Variants in ALS2 observed in about 807,000 individuals in gnomAD.
ALS2 encodes alsin Rho guanine nucleotide exchange factor ALS2.
In ALS2, 117 loss-of-function variants were observed where a neutral mutation model predicts 203.4. The observed-to-expected ratio is 0.58, with a 90% CI of 0.50 to 0.67. ALS2 has a LOEUF of 0.67. Ranked by LOEUF, ALS2 falls within the 30% of genes least tolerant of loss-of-function variation. ALS2 has a pLI of 0.00. For synonymous variants in ALS2, 718 were observed against 725.9 expected (o/e 0.99, Z 0.17); for missense variants, 1,715 against 1,989.4 (o/e 0.86, Z 2.62).
chr2:201,780,848 T>C (rs1051266467), intron 1 of ALS2, 29 bp downstream of exon 1: 9 of 152,738 alleles, frequency 5.9e-5, no homozygotes, highest in African/African-American at 1.9e-4. Context: ...CCTTAGCCAA[T>C]AGCCAACCCG....
chr2:201,733,641 C>T (rs1017452672), intron 12 of ALS2, among the ~76,000 whole-genome samples: 3 of 152,076 alleles, frequency 2.0e-5, no homozygotes, highest in African/African-American at 7.2e-5. Flanking sequence ...TGAAAAGTAG[C>T]AAATGGTAGC....
Position 201,741,772 on chromosome 2 carries a change from C to A in ALS2, c.2253G>T (p.Gln751His). 1 of 1,614,158 alleles carries A rather than the reference C, an allele frequency of 6.2e-7. No individual in the cohort carries two copies. Among genetic ancestry groups the A allele is most frequent in the Non-Finnish European group, 8.5e-7 (1 of 1,180,022 alleles). ...GGAAGCTGCTCAATGAGGCTCCATG[C>A]TGACCAATGAGGTAACACAGCTTGC... ...RFSKLCYLIGQHGASLSSFLH... is the reference protein window; with the variant it reads ...RFSKLCYLIGHHGASLSSFLH... Residue 751 changes from glutamine to histidine, a missense_variant, in exon 11 of 34, where the codon CAG (glutamine) becomes CAT (histidine). Gln to His is a conservative substitution (Grantham distance 24, BLOSUM62 0). Around this residue, in one of 3 missense-constraint regions of ALS2, gnomAD observed 1,227 missense variants for 1,413.5 expected, o/e 0.87. Coordinates refer to ENST00000264276, the MANE Select transcript of ALS2 (RefSeq NM_020919.4).
At chr2:201,766,180 T>A (rs2106099543) in intron 3 of ALS2, among the ~76,000 whole-genome samples, 1 of 152,258 alleles carries the variant, frequency 6.6e-6, no homozygotes, top group South Asian at 2.1e-4. Flanking sequence ...ATAGCAAGAG[T>A]CTCTGAATAG....
intron 1 of ALS2, among the ~76,000 whole-genome samples, chr2:201,770,123 T>C (rs1214944590): frequency 6.6e-6 from 1 of 152,236 alleles, no homozygotes; most frequent in African/African-American, 2.4e-5. Context: ...GTTCATGGTG[T>C]ACAGAGAAAT....
At chr2:201,722,775 T>C (rs1373135807) in intron 23 of ALS2, 1 of 464,890 alleles carries the variant, frequency 2.2e-6, no homozygotes, top group Non-Finnish European at 3.8e-6. Flanking sequence ...GGCAAATCTA[T>C]AGAGTGATTA....
rs771766496 is a variant in ALS2 at position 201,728,991 on chromosome 2, C to A, written c.2712+61G>T. ...AAGTGAGGAACAGAGAAAATTGTAT[C>A]AATTGTTATCGAAATGGTTGCTGTT... On this transcript the variant is annotated intron_variant, in intron 14 of 33. Coordinates refer to ENST00000264276, the MANE Select transcript of ALS2 (RefSeq NM_020919.4). 2.8e-4 allele frequency: 445 copies of A among 1,612,234 alleles called. 2 individuals are homozygous for A. The highest frequency in any genetic ancestry group is 6.6e-4 in the Middle Eastern group (4 of 6,074).
At chr2:201,726,043 T>C (rs1691142554) in intron 19 of ALS2, among the ~76,000 whole-genome samples, 1 of 152,194 alleles carries the variant, frequency 6.6e-6, no homozygotes, top group Non-Finnish European at 1.5e-5. Context: ...CATTAGAGCA[T>C]CATTGAGATA....
In ALS2 at chr2:201,700,734, C is replaced by A. The variant is rs576356153; in HGVS notation, c.*1117G>T. 2 of 152,744 alleles carry A rather than the reference C, an allele frequency of 1.3e-5. No homozygotes were observed. The highest frequency in any genetic ancestry group is 4.1e-4 in the South Asian group (2 of 4,828). The allele number at this position is 152,744 out of a possible 1,614,324, so 9.5% of individuals were successfully genotyped here. A position where few individuals can be genotyped will look rare whatever the true frequency, so the allele number is the denominator to read the frequency against. ...ATCAGGACACTCTGTATGCTCACCA[C>A]GGTGTAGGAGATGAGATGAGGAAGA... is the stretch of plus-strand genomic sequence containing the variant. On this transcript the variant is annotated 3_prime_UTR_variant, in exon 34 of 34. Coordinates refer to ENST00000264276, the MANE Select transcript of ALS2 (RefSeq NM_020919.4).
chr2:201,779,136 AAAGT>A (rs1026568441), intron 1 of ALS2, among the ~76,000 whole-genome samples: 9 of 152,214 alleles, frequency 5.9e-5, no homozygotes, highest in Admixed American at 3.9e-4. Flanking sequence ...CAAAGTGCCC[AAAGT>A]AAGTGTTTCA....
chr2:201,729,271 T>C (rs1227113583), intron 13 of ALS2, 88 bp from the exon 14 acceptor site: 11 of 1,434,188 alleles, frequency 7.7e-6, no homozygotes, highest in African/African-American at 2.9e-5. Context: ...CTTAGACATA[T>C]AGTATTAAAT....
intron 12 of ALS2, among the ~76,000 whole-genome samples, chr2:201,734,486 TAGATA>T (rs1691759785): frequency 7.1e-6 from 1 of 141,390 alleles, no homozygotes; most frequent in Non-Finnish European, 1.6e-5. Context: ...AAAAAGATCT[TAGATA>T]AAGTGCCCAG....
At position 201,701,320 on chromosome 2, in the gene ALS2, C is replaced by T. The variant is rs1373486940; in HGVS notation, c.*531G>A. 1 of 152,920 alleles carries T rather than the reference C, an allele frequency of 6.5e-6. No individual in the cohort carries two copies. The highest frequency in any genetic ancestry group is 1.9e-4 in the East Asian group (1 of 5,186). The allele number at this position is 152,920 out of a possible 1,614,324, so 9.5% of individuals were successfully genotyped here. On this transcript the variant is annotated 3_prime_UTR_variant, in exon 34 of 34. Transcript: ENST00000264276. ...AACTGCAGTTTAAAAGTTCCTTTCT[C>T]CCCTCCCTTGGCAAAGAGACATGAT...
intron 21 of ALS2, 86 bp downstream of exon 21, chr2:201,724,209 G>T: frequency 7.0e-7 from 1 of 1,429,060 alleles, no homozygotes; most frequent in Non-Finnish European, 9.8e-7. Context: ...CCATGAAAAA[G>T]ACAAAATAAG....
In ALS2 at chr2:201,757,756, G is replaced by A; in HGVS notation, c.1117C>T (p.Leu373Phe). The change falls in exon 5 of 34, where the codon CTT (leucine) becomes TTT (phenylalanine). Residue 373 changes from leucine to phenylalanine, a missense_variant. Leu to Phe is a conservative substitution (Grantham distance 22). Transcript: ENST00000264276. Reference protein sequence around the residue: ...HGEKPVPSQPLLEEAIPNLHS... With the variant: ...HGEKPVPSQPFLEEAIPNLHS... ...AGATTAGGAATTGCTTCTTCTAAAAGAGGCTAAAATATACACACATAAAAA... is the reference window on the plus strand; with the variant it reads ...AGATTAGGAATTGCTTCTTCTAAAAAAGGCTAAAATATACACACATAAAAA... 2 of 1,605,922 alleles carry A rather than the reference G, an allele frequency of 1.2e-6. No homozygotes were observed. Among genetic ancestry groups the A allele is most frequent in the Non-Finnish European group, 1.7e-6 (2 of 1,177,750 alleles).
At position 201,700,434 on chromosome 2, in the gene ALS2, T is replaced by C. The variant is rs976933440; in HGVS notation, c.*1417A>G. ...GATTTCTAAAACCCCAGAGGGACTT[T>C]TGAGGCCAATACTTAGAGGCATGGA... is the stretch of plus-strand genomic sequence containing the variant. On this transcript the variant is annotated 3_prime_UTR_variant, in exon 34 of 34. Coordinates refer to ENST00000264276, the MANE Select transcript of ALS2 (RefSeq NM_020919.4). The C allele has an allele frequency of 2.0e-5, 3 of 152,538 alleles. No individual in the cohort carries two copies. The highest frequency in any genetic ancestry group is 7.2e-5 in the African/African-American group (3 of 41,456). 9.4% of individuals were successfully genotyped at this position (152,538 alleles called of 1,614,324 possible). A position where few individuals can be genotyped will look rare whatever the true frequency, so the allele number is the denominator to read the frequency against.
At chr2:201,731,596 T>C (rs1269757835) in intron 13 of ALS2, among the ~76,000 whole-genome samples, 1 of 152,214 alleles carries the variant, frequency 6.6e-6, no homozygotes, top group Non-Finnish European at 1.5e-5. Flanking sequence ...ATCATCATTA[T>C]TTTTATATGG....
At chr2:201,768,834 G>A (rs1694233451) in intron 2 of ALS2, 32 bp downstream of exon 2, 17 of 1,607,340 alleles carry the variant, frequency 1.1e-5, no homozygotes, top group African/African-American at 2.7e-5. Context: ...GTTTTCCTAG[G>A]AGGATAAGAG....
intron 3 of ALS2, chr2:201,765,835 A>G (rs1694050004): frequency 6.0e-6 from 1 of 167,114 alleles, no homozygotes; most frequent in Admixed American, 6.5e-5. Flanking sequence ...TGCCTGAAAA[A>G]AAAAATTATA....
chr2:201,753,278 T>C, intron 6 of ALS2, 36 bp from the exon 7 acceptor site: 2 of 1,541,274 alleles, frequency 1.3e-6, no homozygotes, highest in Non-Finnish European at 1.8e-6. Flanking sequence ...AAAGTCAAAG[T>C]ATTCTCAGCA....
Sources: gnomAD v4.1 joint callset for allele counts (sites outside exome capture counted in the v4.1 genomes callset) on GRCh38, gnomAD v4.1.1 for gene constraint, gnomAD v4.1.1 regional missense constraint, MANE v1.5 for transcripts, NCBI Gene and HGNC (gene_info 2026-07-23, HGNC 2026-07-21) for gene names.